PPP1R9A: variants seen among roughly 807,000 people sequenced by gnomAD.
PPP1R9A encodes neurabin-1.
PPP1R9A carries 59 observed loss-of-function variants against 141.9 expected under a neutral mutation model. The ratio of observed to expected loss-of-function variants is 0.42; its 90% CI spans 0.34 to 0.52. The LOEUF (loss-of-function observed/expected upper bound fraction) is 0.52, where lower values mean the gene tolerates loss of function less well. Ranked by LOEUF, PPP1R9A falls within the 20% of genes least tolerant of loss-of-function variation. The probability of loss-of-function intolerance (pLI) is 0.10; values close to 1 mark genes in which losing one functional copy is unlikely to be tolerated. For missense variants in PPP1R9A, 1,444 were observed against 1,611.9 expected (o/e 0.90, Z 1.78); for synonymous variants, 500 against 569.7 (o/e 0.88, Z 1.74).
intron 16 of PPP1R9A, among the ~76,000 whole-genome samples, chr7:95,279,959 C>T (rs904420438): frequency 1.3e-5 from 2 of 152,294 alleles, no homozygotes; most frequent in African/African-American, 2.4e-5. Context: ...GGAATAGTTT[C>T]ACCATCTCGA....
intron 2 of PPP1R9A, among the ~76,000 whole-genome samples, chr7:94,970,362 A>G (rs1392857712): frequency 6.6e-6 from 1 of 151,990 alleles, no homozygotes; most frequent in Non-Finnish European, 1.5e-5. Context: ...ACCGTTCCTC[A>G]CTCCACAGTC....
chr7:95,102,416 T>A (rs537205124), intron 2 of PPP1R9A, among the ~76,000 whole-genome samples: 1 of 152,196 alleles, frequency 6.6e-6, no homozygotes, highest in Admixed American at 6.5e-5. Flanking sequence ...AGAATTTTGA[T>A]TAGGTTTCAG....
At position 95,115,646 on chromosome 7, in the gene PPP1R9A, C is replaced by T. The variant is rs556211789; in HGVS notation, c.1528+4255C>T. ...ATAGTTGAAGAGAAAAGGCCAGGTG[C>T]GGTGGCTCATGTCTATAATCCCAGC... On this transcript the variant is annotated intron_variant, in intron 3 of 19. Transcript: ENST00000433360. Among the ~76,000 whole-genome samples the T allele has an allele frequency of 3.3e-5, 5 of 151,992 alleles. No individual in the cohort carries two copies. In the South Asian group the frequency reaches 6.2e-4, roughly 19 times the overall value.
chr7:95,087,250 A>G (rs1265689435), intron 2 of PPP1R9A, among the ~76,000 whole-genome samples: 1 of 152,048 alleles, frequency 6.6e-6, no homozygotes, highest in Non-Finnish European at 1.5e-5. Flanking sequence ...ATGGGTGTAT[A>G]GCACTCAGAT....
intron 2 of PPP1R9A, among the ~76,000 whole-genome samples, chr7:95,044,730 AT>A: frequency 6.8e-6 from 1 of 146,378 alleles, no homozygotes; most frequent in African/African-American, 2.5e-5. Flanking sequence ...ATATATATAT[AT>A]AATATATATA....
chr7:95,096,472 A>C (rs1818035045), intron 2 of PPP1R9A, among the ~76,000 whole-genome samples: 1 of 152,082 alleles, frequency 6.6e-6, no homozygotes, highest in Non-Finnish European at 1.5e-5. Flanking sequence ...AAAATCTCTT[A>C]GTATTCTGAG....
Position 95,269,301 on chromosome 7 carries a change from C to A in PPP1R9A, c.2918C>A (p.Pro973Gln). 6.3e-7 allele frequency: 1 copy of A among 1,597,154 alleles called. No homozygotes were observed. Among genetic ancestry groups the A allele is most frequent in the Non-Finnish European group, 8.5e-7 (1 of 1,178,302 alleles). Residue 973 changes from proline (P) to glutamine (Q), a missense_variant, in exon 14 of 20, where the codon CCA (proline) becomes CAA (glutamine). Transcript: ENST00000433360. ...TCTCCAGAATCAGATTCTGGTGTTC[C>A]ACCCCTCACCCCGGTGGATAGCAAT... ...TSSPESDSGVPPLTPVDSNVP... is the reference protein window; with the variant it reads ...TSSPESDSGVQPLTPVDSNVP...
chr7:95,171,769 T>C (rs1302787959), intron 5 of PPP1R9A, among the ~76,000 whole-genome samples: 1 of 151,640 alleles, frequency 6.6e-6, no homozygotes, highest in Admixed American at 6.6e-5. Flanking sequence ...ACTCAACATA[T>C]ACTCTTTCAG....
At chr7:95,131,426 A>G (rs898923493) in intron 4 of PPP1R9A, among the ~76,000 whole-genome samples, 5 of 152,152 alleles carry the variant, frequency 3.3e-5, no homozygotes, top group Non-Finnish European at 7.4e-5. Flanking sequence ...AATCAGCAGC[A>G]TGAAAACAGA....
chr7:95,154,231 T>A (rs1003023054), intron 4 of PPP1R9A, among the ~76,000 whole-genome samples: 5 of 152,138 alleles, frequency 3.3e-5, no homozygotes, highest in African/African-American at 1.2e-4. Flanking sequence ...TTCATTTGTT[T>A]CAATAAATTT....
intron 2 of PPP1R9A, among the ~76,000 whole-genome samples, chr7:95,035,356 C>T (rs11978278): frequency 0.014 from 2,102 of 152,138 alleles, 38 homozygotes; most frequent in African/African-American, 0.048. Context: ...TATTTAAATA[C>T]TCCACATTGT....
At chr7:94,909,075 C>G (rs1791156503) in intron 1 of PPP1R9A, among the ~76,000 whole-genome samples, 1 of 152,196 alleles carries the variant, frequency 6.6e-6, no homozygotes. Context: ...TTAAAGAGAC[C>G]AGCAAGCATG....
intron 2 of PPP1R9A, among the ~76,000 whole-genome samples, chr7:95,078,672 C>A (rs1815263101): frequency 6.6e-6 from 1 of 152,102 alleles, no homozygotes; most frequent in East Asian, 1.9e-4. Flanking sequence ...GATTGCCATT[C>A]TAACTGGTGT....
At chr7:95,219,743 A>C (rs764089346) in intron 7 of PPP1R9A, among the ~76,000 whole-genome samples, 10 of 152,130 alleles carry the variant, frequency 6.6e-5, no homozygotes, top group Non-Finnish European at 1.2e-4. Context: ...GAATCCTCTC[A>C]ATATCCTATG....
chr7:94,921,311 G>C (rs1367354051), intron 2 of PPP1R9A, among the ~76,000 whole-genome samples: 2 of 152,032 alleles, frequency 1.3e-5, no homozygotes, highest in African/African-American at 4.8e-5. Context: ...GCTGGGCGTG[G>C]TTGCGGGCGC....
intron 2 of PPP1R9A, among the ~76,000 whole-genome samples, chr7:95,107,124 A>T (rs1456845186): frequency 6.6e-6 from 1 of 152,132 alleles, no homozygotes; most frequent in Non-Finnish European, 1.5e-5. Context: ...TTATGGATGA[A>T]TGCATAGTAT....
At chr7:95,025,376 CT>C (rs1248646611) in intron 2 of PPP1R9A, among the ~76,000 whole-genome samples, 7 of 152,054 alleles carry the variant, frequency 4.6e-5, no homozygotes, top group African/African-American at 1.7e-4. Context: ...AAATTCTTTT[CT>C]TTAAGAATGT....
chr7:95,123,751 G>A (rs1410141602), intron 4 of PPP1R9A, among the ~76,000 whole-genome samples: 5 of 152,004 alleles, frequency 3.3e-5, no homozygotes, highest in Non-Finnish European at 2.9e-5. Context: ...TATCATCTGG[G>A]GATATTCAAC....
chr7:95,225,062 T>A (rs1794957606), intron 7 of PPP1R9A, among the ~76,000 whole-genome samples: 1 of 152,094 alleles, frequency 6.6e-6, no homozygotes, highest in South Asian at 2.1e-4. Flanking sequence ...CTAATAAAGT[T>A]AAGGAAGTTA....
Sources: allele counts gnomAD v4.1 joint callset (sites outside exome capture counted in the v4.1 genomes callset), GRCh38; gene constraint gnomAD v4.1.1; transcripts MANE v1.5; gene names NCBI Gene and HGNC (gene_info 2026-07-23, HGNC 2026-07-21).